The following CHRNA4 variants were observed in gnomAD, a reference collection of about 807,000 sequenced individuals.
CHRNA4 encodes neuronal acetylcholine receptor subunit alpha-4.
CHRNA4 carries 28 observed loss-of-function variants against 48.9 expected under a neutral mutation model. That is an observed-to-expected ratio of 0.57 (90% CI 0.42 to 0.79). The LOEUF (loss-of-function observed/expected upper bound fraction) is 0.79, where lower values mean the gene tolerates loss of function less well. Ranked by LOEUF, CHRNA4 falls within the 30% of genes least tolerant of loss-of-function variation. CHRNA4 has a pLI of 0.00. For synonymous variants in CHRNA4, 425 were observed against 402.3 expected, an observed-to-expected ratio of 1.06 and a Z score of -0.68; for missense variants, 859 against 898.4, an observed-to-expected ratio of 0.96 and a Z score of 0.56.
At chr20:63,354,029 T>G in intron 4 of CHRNA4, among the ~76,000 whole-genome samples, 1 of 116,442 alleles carries the variant, frequency 8.6e-6, no homozygotes, top group Non-Finnish European at 1.8e-5. Context: ...CTAGGGGTGT[T>G]GTAGTCCTAG....
In CHRNA4 at chr20:63,344,303, G is replaced by A. The variant is rs1249556700; in HGVS notation, c.*2435C>T. On this transcript the variant is annotated 3_prime_UTR_variant, in exon 6 of 6. Transcript: ENST00000370263. This position sits in a 1 kb window ranked among gnomAD's most constrained non-coding sequence, Gnocchi z 4.5. ...TAAGTCAGAGCCACAGATGGGGAGG[G>A]ACGCCGACAGGAAGGGCTGGAGGGA... 5 of 453,960 alleles carry A rather than the reference G, an allele frequency of 1.1e-5. No individual in the cohort carries two copies. Among genetic ancestry groups the A allele is most frequent in the African/African-American group, 1.0e-4 (5 of 49,978 alleles). The allele number at this position is 453,960 out of a possible 1,614,324, so 28.1% of individuals were successfully genotyped here.
rs371437890 is a variant in CHRNA4, at chr20:63,343,661, G to A, written c.*3077C>T. ...ACACGGGAAGCACCCAGGCCGGTCC[G>A]GAGGCAGAAGGGGCTGGGAAGCCCT... On this transcript the variant is annotated 3_prime_UTR_variant, in exon 6 of 6. Transcript: ENST00000370263. The A allele has an allele frequency of 8.0e-5, 36 of 448,636 alleles. No homozygotes were observed. Among genetic ancestry groups the A allele is most frequent in the African/African-American group, 4.2e-4 (21 of 49,944 alleles). 27.8% of individuals were successfully genotyped at this position (448,636 alleles called of 1,614,324 possible).
intron 1 of CHRNA4, among the ~76,000 whole-genome samples, chr20:63,360,365 C>A (rs911317272): frequency 6.6e-6 from 1 of 152,218 alleles, no homozygotes; most frequent in Non-Finnish European, 1.5e-5. Flanking sequence ...GCACCCCAGC[C>A]TGCCCGTGCT....
chr20:63,355,124 C>A (rs2068698012), intron 4 of CHRNA4, among the ~76,000 whole-genome samples: 1 of 152,118 alleles, frequency 6.6e-6, no homozygotes. Context: ...GAGCTGTGAC[C>A]CTGCCACACC....
At chr20:63,356,744 C>G in intron 2 of CHRNA4, 1 of 472,584 alleles carries the variant, frequency 2.1e-6, no homozygotes, top group Non-Finnish European at 3.9e-6. Flanking sequence ...TGCTCCCTCC[C>G]GGCCCTTGGG....
Position 63,347,278 on chromosome 20 carries a change from C to G in CHRNA4, c.1759-415G>C, listed in dbSNP as rs1568805753. Among the ~76,000 whole-genome samples, 3 of 152,340 alleles carry G rather than the reference C, an allele frequency of 2.0e-5. No homozygotes were observed. The South Asian group carries it at 6.2e-4, about 32-fold the overall frequency. On this transcript the variant is annotated intron_variant, in intron 5 of 5. Transcript: ENST00000370263. Reference sequence around the variant, plus strand: ...TCACCAGCGCTGGGAGGGCCCATCCCCCTCCCCGTTTTGCAGATGGGCAAA... The same window carrying G: ...TCACCAGCGCTGGGAGGGCCCATCCGCCTCCCCGTTTTGCAGATGGGCAAA...
In CHRNA4 at chr20:63,353,679, CAGTCCTAGGAGGCTGT is replaced by C. The variant is rs1568814645; in HGVS notation, c.383+2280_383+2295del. Among the ~76,000 whole-genome samples, 5 of 31,648 alleles carry C rather than the reference CAGTCCTAGGAGGCTGT, an allele frequency of 1.6e-4. No homozygotes were observed. The Admixed American group carries it at 1.8e-3, about 11-fold the overall frequency. 20.8% of individuals were successfully genotyped at this position (31,648 alleles called of 152,430 possible). A position where few individuals can be genotyped will look rare whatever the true frequency, so the allele number is the denominator to read the frequency against. On this transcript the variant is annotated intron_variant, in intron 4 of 5. Transcript: ENST00000370263. ...GGGGGCTGTGGTCCTGGGAGGGCTG[CAGTCCTAGGAGGCTGT>C]GGTCCTGGGGGGGCTGCGGTCCTGG...
intron 4 of CHRNA4, chr20:63,354,499 C>T: frequency 1.2e-6 from 1 of 805,020 alleles, no homozygotes; most frequent in Non-Finnish European, 1.5e-6. Context: ...GGCTGTGGTC[C>T]TAGAGGAACT....
intron 4 of CHRNA4, among the ~76,000 whole-genome samples, chr20:63,352,679 G>A (rs768407437): frequency 2.9e-4 from 44 of 152,306 alleles, no homozygotes; most frequent in Admixed American, 6.5e-4. Context: ...TATGGCAAGC[G>A]GGTGACTACT....
chr20:63,358,435 C>T (rs572915897), intron 2 of CHRNA4, among the ~76,000 whole-genome samples: 1 of 152,244 alleles, frequency 6.6e-6, no homozygotes, highest in African/African-American at 2.4e-5. Context: ...CTCCCGCAAC[C>T]CGGTGGCTCC....
In CHRNA4 at chr20:63,350,762, T is replaced by C. The variant is rs757045864; in HGVS notation, c.649A>G (p.Thr217Ala). 4 of 1,613,274 alleles carry C rather than the reference T, an allele frequency of 2.5e-6. No individual in the cohort carries two copies. The Admixed American group carries it at 5.0e-5, about 20-fold the overall frequency. Residue 217 changes from threonine (T) to alanine (A), a missense_variant, in exon 5 of 6, where the codon ACC becomes GCC. Around this residue, in one of 3 missense-constraint regions of CHRNA4, gnomAD observed 342 missense variants for 365.3 expected, o/e 0.94. Coordinates refer to ENST00000370263, the MANE Select transcript of CHRNA4 (RefSeq NM_000744.7). ...CACTCGTACTTCCTGGTGTTGTAGG[T>C]GCCCACGGCATCCACGATGACCCAC... ...GEWVIVDAVG[T>A]YNTRKYECCA... is the part of the protein sequence containing the mutation.
chr20:63,358,629 C>A (rs1013388520), intron 2 of CHRNA4, among the ~76,000 whole-genome samples: 1 of 152,290 alleles, frequency 6.6e-6, no homozygotes, highest in South Asian at 2.1e-4. Flanking sequence ...TGGCCATTGG[C>A]TGCCCACTCG....
intron 1 of CHRNA4, 114 bp downstream of exon 1, chr20:63,360,974 TCG>T: frequency 1.1e-6 from 1 of 884,276 alleles, no homozygotes; most frequent in Non-Finnish European, 1.5e-6. Context: ...GGTCGCCCAG[TCG>T]CGCGCACCCG....
rs45473291 is a variant in CHRNA4 at position 63,355,511 on chromosome 20, C to G, written c.383+464G>C. The G allele has an allele frequency of 0.079, 101,783 of 1,290,014 alleles. 4,751 individuals are homozygous for G. Among genetic ancestry groups the G allele is most frequent in the Middle Eastern group, 0.18 (826 of 4,702 alleles). The allele number at this position is 1,290,014 out of a possible 1,614,324, so 79.9% of individuals were successfully genotyped here. On this transcript the variant is annotated intron_variant, in intron 4 of 5. Coordinates refer to ENST00000370263, the MANE Select transcript of CHRNA4 (RefSeq NM_000744.7). ...GCTTCCTCACCCCTCTCCAGGGCAC[C>G]CTGCAGTCCACACTATTCTCCCAGA...
At chr20:63,359,058 G>A (rs2068761250) in intron 2 of CHRNA4, among the ~76,000 whole-genome samples, 1 of 149,522 alleles carries the variant, frequency 6.7e-6, no homozygotes, top group Admixed American at 6.6e-5. Flanking sequence ...CATATCTTCA[G>A]ACAAACAGAC....
rs1338303630 is a variant in CHRNA4, at chr20:63,344,893, G to A, written c.*1845C>T. The A allele has an allele frequency of 7.3e-6, 3 of 409,292 alleles. No individual in the cohort carries two copies. The highest frequency in any genetic ancestry group is 5.3e-5 in the South Asian group (3 of 56,584). The allele number at this position is 409,292 out of a possible 1,614,324, so 25.4% of individuals were successfully genotyped here. A position where few individuals can be genotyped will look rare whatever the true frequency, so the allele number is the denominator to read the frequency against. ...CAGCAGATGGGGTCCTGAATACACG[G>A]GGGATGTGGGAGGGGCCAGGGGGCT... is the stretch of plus-strand genomic sequence containing the variant. On this transcript the variant is annotated 3_prime_UTR_variant, in exon 6 of 6. Coordinates refer to ENST00000370263, the MANE Select transcript of CHRNA4 (RefSeq NM_000744.7). The surrounding 1 kb of genome is among the most constrained non-coding windows in gnomAD (Gnocchi z 4.5).
intron 4 of CHRNA4, among the ~76,000 whole-genome samples, chr20:63,353,806 G>C (rs1438268636): frequency 1.0e-5 from 1 of 96,128 alleles, no homozygotes; most frequent in Non-Finnish European, 2.1e-5. Flanking sequence ...TCCTAGAGGG[G>C]GCTGTGGTCC....
chr20:63,358,874 G>C (rs1300643502), intron 2 of CHRNA4, among the ~76,000 whole-genome samples: 2 of 152,072 alleles, frequency 1.3e-5, no homozygotes, highest in African/African-American at 2.4e-5. Flanking sequence ...AGGTAACCAA[G>C]CATCTCAACC....
chr20:63,360,805 G>A (rs1306488731), intron 1 of CHRNA4, among the ~76,000 whole-genome samples: 1 of 152,176 alleles, frequency 6.6e-6, no homozygotes, highest in Non-Finnish European at 1.5e-5. Flanking sequence ...GCTCAAGTTC[G>A]AGCTTTTGGG....
Sources: allele counts gnomAD v4.1 joint callset (sites outside exome capture counted in the v4.1 genomes callset), GRCh38; gene constraint gnomAD v4.1.1; regional missense constraint gnomAD v4.1.1; non-coding constraint Gnocchi (gnomAD v3.1); transcripts MANE v1.5; gene names NCBI Gene and HGNC (gene_info 2026-07-23, HGNC 2026-07-21).